Variants in KCNMB2 observed in about 807,000 individuals in gnomAD.
KCNMB2 encodes potassium calcium-activated channel subfamily M regulatory beta subunit 2, also known as calcium-activated potassium channel subunit beta-2.
In KCNMB2, 9 loss-of-function variants were observed where a neutral mutation model predicts 24.5. The observed-to-expected ratio is 0.37, with a 90% CI of 0.22 to 0.64. KCNMB2 has a LOEUF of 0.64. Ranked by LOEUF, KCNMB2 falls within the 30% of genes least tolerant of loss-of-function variation. The pLI is 0.63. For missense variants in KCNMB2, 226 were observed against 284.3 expected (o/e 0.79, Z 1.47); for synonymous variants, 109 against 104.4 (o/e 1.04, Z -0.27).
rs773067094 is a variant in KCNMB2, at chr3:178,828,165, C to G, written c.228-13C>G. 7.5e-6 allele frequency: 12 copies of G among 1,607,518 alleles called. No individual in the cohort carries two copies. The East Asian group carries it at 2.7e-4, about 36-fold the overall frequency. On this transcript the variant is annotated splice_polypyrimidine_tract_variant and intron_variant, in intron 3 of 4. Coordinates refer to ENST00000452583, the MANE Select transcript of KCNMB2 (RefSeq NM_181361.3). ...TCTTGGGCCTGTGTTTACTCTCACC[C>G]CTTTCTCTGCAGCGTGTGGACCGAA...
intron 1 of KCNMB2, among the ~76,000 whole-genome samples, chr3:178,754,548 G>A (rs926583605): frequency 3.3e-5 from 5 of 152,166 alleles, no homozygotes; most frequent in African/African-American, 4.8e-5. Context: ...ACTCTGTTCA[G>A]TTGGAGGAAT....
At chr3:178,755,958 T>G (rs1724018769) in intron 1 of KCNMB2, among the ~76,000 whole-genome samples, 1 of 152,146 alleles carries the variant, frequency 6.6e-6, no homozygotes, top group African/African-American at 2.4e-5. Context: ...AATACTCAGT[T>G]GAGGTCAGGG....
intron 1 of KCNMB2, among the ~76,000 whole-genome samples, chr3:178,573,208 C>T (rs1203545853): frequency 6.6e-6 from 1 of 151,936 alleles, no homozygotes; most frequent in Non-Finnish European, 1.5e-5. Context: ...GGTGTTTCAC[C>T]ATGTTGACCA....
intron 1 of KCNMB2, among the ~76,000 whole-genome samples, chr3:178,744,636 T>G (rs1282996546): frequency 6.6e-6 from 1 of 152,042 alleles, no homozygotes; most frequent in Non-Finnish European, 1.5e-5. Flanking sequence ...CTCAGTGTCA[T>G]GCTTGGAACA....
intron 1 of KCNMB2, among the ~76,000 whole-genome samples, chr3:178,599,001 A>T (rs1056389214): frequency 6.6e-5 from 10 of 152,128 alleles, no homozygotes; most frequent in African/African-American, 2.4e-4. Flanking sequence ...CCACCATGCT[A>T]CAGAGATGGA....
chr3:178,823,574 A>G (rs2108465860), intron 2 of KCNMB2, among the ~76,000 whole-genome samples: 1 of 152,322 alleles, frequency 6.6e-6, no homozygotes, highest in African/African-American at 2.4e-5. Flanking sequence ...ATTAATAAAT[A>G]CTCGGCCCTA....
At chr3:178,841,177 T>C (rs932083430) in intron 4 of KCNMB2, among the ~76,000 whole-genome samples, 4 of 152,220 alleles carry the variant, frequency 2.6e-5, no homozygotes, top group Non-Finnish European at 4.4e-5. Flanking sequence ...TGCTAATCTC[T>C]TTGCTAAAGC....
intron 2 of KCNMB2, among the ~76,000 whole-genome samples, chr3:178,817,463 A>G (rs9819539): frequency 0.26 from 39,646 of 151,598 alleles, 6,934 homozygotes; most frequent in African/African-American, 0.5. Context: ...CAGAAGGCAG[A>G]AGAATGGCTG....
intron 1 of KCNMB2, among the ~76,000 whole-genome samples, chr3:178,646,033 G>A (rs745995059): frequency 4.6e-5 from 7 of 152,050 alleles, no homozygotes; most frequent in Non-Finnish European, 8.8e-5. Context: ...ACATCCATCT[G>A]CATACAGTTA....
At chr3:178,608,621 T>C (rs910039412) in intron 1 of KCNMB2, among the ~76,000 whole-genome samples, 1 of 152,190 alleles carries the variant, frequency 6.6e-6, no homozygotes, top group Non-Finnish European at 1.5e-5. Flanking sequence ...GTAGGTCTTA[T>C]TTATTCTTTC....
chr3:178,692,218 C>G (rs140376220), intron 1 of KCNMB2, among the ~76,000 whole-genome samples: 2 of 152,104 alleles, frequency 1.3e-5, no homozygotes, highest in East Asian at 3.9e-4. Flanking sequence ...ATGATAGTTT[C>G]TTTTGCTGTA....
intron 1 of KCNMB2, among the ~76,000 whole-genome samples, chr3:178,608,335 C>T (rs1251141004): frequency 1.3e-5 from 2 of 152,142 alleles, no homozygotes; most frequent in African/African-American, 2.4e-5. Flanking sequence ...TGAATTCTCT[C>T]ATTAAAACTG....
At chr3:178,548,867 T>C (rs954036507) in intron 1 of KCNMB2, among the ~76,000 whole-genome samples, 1 of 152,210 alleles carries the variant, frequency 6.6e-6, no homozygotes, top group Admixed American at 6.5e-5. Context: ...AAAAGATGAA[T>C]TGATGAATAG....
At chr3:178,807,003 A>C (rs1425714088) in intron 1 of KCNMB2, among the ~76,000 whole-genome samples, 1 of 152,240 alleles carries the variant, frequency 6.6e-6, no homozygotes, top group East Asian at 1.9e-4. Flanking sequence ...AAAATACAGC[A>C]TAGTACAGAG....
chr3:178,644,144 C>T (rs1719825883), intron 1 of KCNMB2, among the ~76,000 whole-genome samples: 1 of 152,194 alleles, frequency 6.6e-6, no homozygotes, highest in Non-Finnish European at 1.5e-5. Context: ...AAACAAAGTA[C>T]TCCACCAGAA....
intron 1 of KCNMB2, among the ~76,000 whole-genome samples, chr3:178,615,086 C>T (rs1206769847): frequency 1.3e-5 from 2 of 152,206 alleles, no homozygotes; most frequent in Non-Finnish European, 2.9e-5. Context: ...CTGACAGAAA[C>T]TCCTGTTTCT....
At chr3:178,556,751 G>C (rs905699755) in intron 1 of KCNMB2, among the ~76,000 whole-genome samples, 12 of 152,192 alleles carry the variant, frequency 7.9e-5, no homozygotes, top group Admixed American at 7.2e-4. Context: ...AAGGAAACCA[G>C]GAGAATGCAG....
intron 1 of KCNMB2, among the ~76,000 whole-genome samples, chr3:178,698,420 T>A (rs1033684458): frequency 6.6e-6 from 1 of 152,240 alleles, no homozygotes; most frequent in Non-Finnish European, 1.5e-5. Flanking sequence ...CTGCTATGAA[T>A]ACTTGTGATT....
intron 1 of KCNMB2, among the ~76,000 whole-genome samples, chr3:178,731,814 A>G (rs1298592205): frequency 6.6e-6 from 1 of 152,200 alleles, no homozygotes; most frequent in African/African-American, 2.4e-5. Context: ...AAGGCAGGAG[A>G]ATCGCTTGAT....
Sources: gnomAD v4.1 joint callset for allele counts (sites outside exome capture counted in the v4.1 genomes callset) on GRCh38, gnomAD v4.1.1 for gene constraint, MANE v1.5 for transcripts, NCBI Gene and HGNC (gene_info 2026-07-23, HGNC 2026-07-21) for gene names.